The following PRDM12 variants were observed in gnomAD, a reference collection of about 807,000 sequenced individuals.
PRDM12 encodes PR domain zinc finger protein 12.
In PRDM12, 17 loss-of-function variants were observed where a neutral mutation model predicts 29.6. That is an observed-to-expected ratio of 0.57 (90% CI 0.39 to 0.86). The LOEUF (loss-of-function observed/expected upper bound fraction) is 0.86, where lower values mean the gene tolerates loss of function less well. Ranked by LOEUF, PRDM12 falls within the 40% of genes least tolerant of loss-of-function variation. The probability of loss-of-function intolerance (pLI) is 0.00; values close to 1 mark genes in which losing one functional copy is unlikely to be tolerated. For synonymous variants in PRDM12, 231 were observed against 225.8 expected, an observed-to-expected ratio of 1.02 and a Z score of -0.21; for missense variants, 422 against 510.8, an observed-to-expected ratio of 0.83 and a Z score of 1.68.
In PRDM12 at chr9:130,681,055, A is replaced by AC. The variant is rs201602299; in HGVS notation, c.683-187dup. On this transcript the variant is annotated intron_variant, in intron 4 of 4. Transcript: ENST00000253008. This position sits in a 1 kb window ranked among gnomAD's most constrained non-coding sequence, Gnocchi z 8.1. ...GATCGGGAGTCCAACTCCCTATTGGACCCCCCAGCCGGGGTACCCTTCGCT... is the reference window on the plus strand; with the variant it reads ...GATCGGGAGTCCAACTCCCTATTGGACCCCCCCAGCCGGGGTACCCTTCGCT... 5.8e-3 allele frequency among the ~76,000 whole-genome samples: 881 copies of AC among 151,408 alleles called. 7 individuals carry two copies. Among genetic ancestry groups the AC allele is most frequent in the Admixed American group, 0.012 (177 of 15,252 alleles).
In PRDM12 at chr9:130,677,464, T is replaced by TA. The variant is rs908211905; in HGVS notation, c.571-1059dup. ...CCCATGCGATCTTTTGTGCTTCAAC[T>TA]AAAAAAGGACCTGCCAGGAAAACAA... On this transcript the variant is annotated intron_variant, in intron 3 of 4. Transcript: ENST00000253008. Among the ~76,000 whole-genome samples, 13 of 152,268 alleles carry TA rather than the reference T, an allele frequency of 8.5e-5. No homozygotes were observed. In the East Asian group the frequency reaches 2.5e-3, roughly 29 times the overall value.
chr9:130,681,535 C>T lies in PRDM12; in HGVS notation c.970C>T (p.Arg324Trp), dbSNP rs748770731. 2.2e-6 allele frequency: 3 copies of T among 1,354,662 alleles called. No homozygotes were observed. Among genetic ancestry groups the T allele is most frequent in the South Asian group, 1.7e-5 (1 of 60,306 alleles). 83.9% of individuals were successfully genotyped at this position (1,354,662 alleles called of 1,614,324 possible). A position where few individuals can be genotyped will look rare whatever the true frequency, so the allele number is the denominator to read the frequency against. The change falls in exon 5 of 5, where the codon CGG (arginine) becomes TGG (tryptophan). Residue 324 changes from arginine (R) to tryptophan (W), a missense_variant. Transcript: ENST00000253008. This position sits in a 1 kb window ranked among gnomAD's most constrained non-coding sequence, Gnocchi z 8.1. ...CGCCCACCAGAAGAGCGCGCGGCAC[C>T]GGCCGCCCAGCACCGCGCTGCAGGC... is the stretch of plus-strand genomic sequence containing the variant. ...LRAHQKSARH[R>W]PPSTALQAHS...
intron 3 of PRDM12, among the ~76,000 whole-genome samples, chr9:130,669,404 T>G (rs1336265235): frequency 2.0e-5 from 3 of 151,912 alleles, no homozygotes; most frequent in African/African-American, 7.3e-5. Context: ...ACGCCTGTAA[T>G]CTCAGCTACT....
At chr9:130,675,407 G>A (rs76754477) in intron 3 of PRDM12, among the ~76,000 whole-genome samples, 3,502 of 152,230 alleles carry the variant, frequency 0.023, 139 homozygotes, top group African/African-American at 0.08. Context: ...TGGTGTCCTC[G>A]GAGCATTCGG....
chr9:130,675,819 G>A (rs1292238236), intron 3 of PRDM12, among the ~76,000 whole-genome samples: 1 of 152,206 alleles, frequency 6.6e-6, no homozygotes, highest in African/African-American at 2.4e-5. Context: ...CAGTGGTCTG[G>A]GGGAGGGTGC....
chr9:130,676,346 C>T (rs544068558), intron 3 of PRDM12, among the ~76,000 whole-genome samples: 130 of 152,040 alleles, frequency 8.6e-4, no homozygotes, highest in African/African-American at 2.9e-3. Flanking sequence ...AAAAATTAGC[C>T]GGGCGTGGGT....
In PRDM12 at chr9:130,667,252, G is replaced by A. The variant is rs150648107; in HGVS notation, c.414+454G>A. Among the ~76,000 whole-genome samples, 837 of 152,360 alleles carry A rather than the reference G, an allele frequency of 5.5e-3. 7 individuals are homozygous for A. Among genetic ancestry groups the A allele is most frequent in the African/African-American group, 0.018 (766 of 41,574 alleles). On this transcript the variant is annotated intron_variant, in intron 2 of 4. Transcript: ENST00000253008. ...GAAAGGAGAATGCCTGGTGAAAGCA[G>A]AATGACATTCACGATGACTGTGGCT...
At chr9:130,665,367 AAG>A (rs1198859152) in intron 1 of PRDM12, among the ~76,000 whole-genome samples, 1 of 152,092 alleles carries the variant, frequency 6.6e-6, no homozygotes, top group Non-Finnish European at 1.5e-5. Flanking sequence ...GAGGGAGAGA[AAG>A]AGAGAGCGAG....
chr9:130,680,701 C>T (rs1292338199), intron 4 of PRDM12, among the ~76,000 whole-genome samples: 4 of 132,108 alleles, frequency 3.0e-5, no homozygotes, highest in Non-Finnish European at 4.6e-5. Context: ...TTAGTATTAT[C>T]TCCATTTCAG....
chr9:130,680,660 T>TATATATATATATATATATATA (rs1554753125), intron 4 of PRDM12, among the ~76,000 whole-genome samples: 9 of 49,374 alleles, frequency 1.8e-4, no homozygotes, highest in Non-Finnish European at 2.9e-4. Flanking sequence ...TATATATATA[T>TATATATATATATATATATATA]TTTTTTTTTT....
At chr9:130,680,673 TA>T (rs1830891837) in intron 4 of PRDM12, among the ~76,000 whole-genome samples, 3 of 122,214 alleles carry the variant, frequency 2.5e-5, no homozygotes, top group South Asian at 5.2e-4. Flanking sequence ...TTTTTTTTTT[TA>T]ACTGATCCTT....
At chr9:130,666,568 C>A in intron 1 of PRDM12, 40 bp from the exon 2 acceptor site, 4 of 1,587,460 alleles carry the variant, frequency 2.5e-6, no homozygotes, top group Non-Finnish European at 3.4e-6. Flanking sequence ...GCCTCGGCTG[C>A]CTCGGGCTCT....
intron 3 of PRDM12, among the ~76,000 whole-genome samples, chr9:130,677,967 CT>C (rs1830858521): frequency 6.6e-6 from 1 of 152,148 alleles, no homozygotes; most frequent in East Asian, 1.9e-4. Flanking sequence ...CCGAATGCTT[CT>C]TTTTTAGCAT....
chr9:130,681,168 T>A lies in PRDM12; in HGVS notation c.683-80T>A, dbSNP rs1830896455. 7.7e-7 allele frequency: 1 copy of A among 1,305,496 alleles called. No homozygotes were observed. The allele number at this position is 1,305,496 out of a possible 1,614,324, so 80.9% of individuals were successfully genotyped here. ...GGCTGGGGGCGCTGAGGGCCCGGGC[T>A]GCGGGGCGCCGGTTCTAACGGGGCT... is the stretch of plus-strand genomic sequence containing the variant. On this transcript the variant is annotated intron_variant, in intron 4 of 4. Transcript: ENST00000253008. The surrounding 1 kb of genome is among the most constrained non-coding windows in gnomAD (Gnocchi z 8.1).
In PRDM12 at chr9:130,668,489, G is replaced by A. The variant is rs185578078; in HGVS notation, c.570+176G>A. Among the ~76,000 whole-genome samples, 88 of 152,336 alleles carry A rather than the reference G, an allele frequency of 5.8e-4. No individual in the cohort carries two copies. The highest frequency in any genetic ancestry group is 1.9e-3 in the African/African-American group (79 of 41,580). The stretch of plus-strand genomic sequence containing the variant: ...AGACAGGTGGGTCTCCAGACATCCC[G>A]CTGTCCAGGTGTGTGACCTCCATGG... On this transcript the variant is annotated intron_variant, in intron 3 of 4. Coordinates refer to ENST00000253008, the MANE Select transcript of PRDM12 (RefSeq NM_021619.3). The surrounding 1 kb of genome is among the most constrained non-coding windows in gnomAD (Gnocchi z 4.0).
At chr9:130,675,711 C>CGACTTGCACGAGGT (rs1830836079) in intron 3 of PRDM12, among the ~76,000 whole-genome samples, 1 of 152,200 alleles carries the variant, frequency 6.6e-6, no homozygotes. Context: ...CGACGTGAGG[C>CGACTTGCACGAGGT]GACTTGCCCG....
chr9:130,675,859 C>T (rs1440406684), intron 3 of PRDM12, among the ~76,000 whole-genome samples: 2 of 152,126 alleles, frequency 1.3e-5, no homozygotes, highest in African/African-American at 4.8e-5. Context: ...ATGACATCAA[C>T]GTGTCCGGTT....
rs1473713523 is a variant in PRDM12, at chr9:130,668,752, A to G, written c.570+439A>G. ...GTCTGATGGCCCTCATTCTGCATGC[A>G]TGGGCACCAGTGGCTTACGGCTCAT... is the stretch of plus-strand genomic sequence containing the variant. On this transcript the variant is annotated intron_variant, in intron 3 of 4. Coordinates refer to ENST00000253008, the MANE Select transcript of PRDM12 (RefSeq NM_021619.3). This position sits in a 1 kb window ranked among gnomAD's most constrained non-coding sequence, Gnocchi z 4.0. Among the ~76,000 whole-genome samples, 1 of 151,772 alleles carries G rather than the reference A, an allele frequency of 6.6e-6. No individual in the cohort carries two copies. Among genetic ancestry groups the G allele is most frequent in the Admixed American group, 6.6e-5 (1 of 15,262 alleles).
At chr9:130,676,491 G>T (rs534619755) in intron 3 of PRDM12, among the ~76,000 whole-genome samples, 1 of 151,892 alleles carries the variant, frequency 6.6e-6, no homozygotes, top group Non-Finnish European at 1.5e-5. Flanking sequence ...GCGAGACTCC[G>T]TCTCAAAAAA....
Sources: allele counts gnomAD v4.1 joint callset (sites outside exome capture counted in the v4.1 genomes callset), GRCh38; gene constraint gnomAD v4.1.1; non-coding constraint Gnocchi (gnomAD v3.1); transcripts MANE v1.5; gene names NCBI Gene and HGNC (gene_info 2026-07-23, HGNC 2026-07-21).